Variants in ATRNL1 observed in about 807,000 individuals in gnomAD.
ATRNL1 encodes attractin-like protein 1.
A neutral mutation model predicts 182.7 loss-of-function variants in ATRNL1; 95 were observed. That is an observed-to-expected ratio of 0.52 (90% CI 0.44 to 0.62). ATRNL1 has a LOEUF of 0.62. ATRNL1 is among the 20% of genes least tolerant of loss of function. The pLI is 0.00. For missense variants in ATRNL1, 1,471 were observed against 1,679.5 expected (o/e 0.88, Z 2.17); for synonymous variants, 576 against 568.3 (o/e 1.01, Z -0.19).
At chr10:115,288,378 C>T (rs186635424) in intron 15 of ATRNL1, among the ~76,000 whole-genome samples, 44 of 152,242 alleles carry the variant, frequency 2.9e-4, no homozygotes, top group South Asian at 1.2e-3. Flanking sequence ...TCTCTGCATC[C>T]TCACCAGTAT....
intron 26 of ATRNL1, among the ~76,000 whole-genome samples, chr10:115,704,729 A>G (rs1252061862): frequency 6.6e-6 from 1 of 151,818 alleles, no homozygotes; most frequent in South Asian, 2.1e-4. Context: ...CTACCTGTCT[A>G]GCTTCATTCC....
intron 8 of ATRNL1, among the ~76,000 whole-genome samples, chr10:115,181,714 T>C (rs1312829187): frequency 6.6e-6 from 1 of 151,694 alleles, no homozygotes; most frequent in Admixed American, 6.6e-5. Flanking sequence ...GATGCCACAG[T>C]GAAAAAAACT....
intron 27 of ATRNL1, among the ~76,000 whole-genome samples, chr10:115,768,776 A>G (rs922380980): frequency 6.6e-6 from 1 of 152,124 alleles, no homozygotes; most frequent in Non-Finnish European, 1.5e-5. Context: ...TAATTTTAAA[A>G]TTAAAGGAAT....
intron 21 of ATRNL1, among the ~76,000 whole-genome samples, chr10:115,437,469 A>T (rs1412828009): frequency 1.3e-5 from 2 of 151,998 alleles, no homozygotes; most frequent in Non-Finnish European, 2.9e-5. Flanking sequence ...ATCTTCCTGG[A>T]GCTATCTGTA....
intron 8 of ATRNL1, among the ~76,000 whole-genome samples, chr10:115,211,244 CT>C (rs879993228): frequency 2.9e-3 from 397 of 138,676 alleles, no homozygotes; most frequent in Admixed American, 3.0e-3. Context: ...ATGACAAATT[CT>C]TTTTTTTTTT....
intron 26 of ATRNL1, among the ~76,000 whole-genome samples, chr10:115,632,588 A>T (rs1555026749): frequency 1.3e-5 from 2 of 152,156 alleles, no homozygotes; most frequent in African/African-American, 4.8e-5. Context: ...GATTATCTTG[A>T]CAAGCAACCT....
chr10:115,640,673 G>A (rs1455879651), intron 26 of ATRNL1, among the ~76,000 whole-genome samples: 4 of 152,082 alleles, frequency 2.6e-5, no homozygotes, highest in African/African-American at 9.7e-5. Flanking sequence ...CTGGATATTA[G>A]CTTTTTGTCA....
intron 18 of ATRNL1, among the ~76,000 whole-genome samples, chr10:115,321,112 C>A (rs1398504010): frequency 6.6e-6 from 1 of 151,508 alleles, no homozygotes; most frequent in East Asian, 1.9e-4. Context: ...GTTGTTGTTG[C>A]TTTCTGTTTG....
In ATRNL1 at chr10:115,449,614, C is replaced by T. The variant is rs535976412; in HGVS notation, c.3323-12327C>T. Among the ~76,000 whole-genome samples, 18 of 152,282 alleles carry T rather than the reference C, an allele frequency of 1.2e-4. 1 individual carries two copies. Among genetic ancestry groups the T allele is most frequent in the Admixed American group, 1.0e-3 (16 of 15,284 alleles). On this transcript the variant is annotated intron_variant, in intron 21 of 28. Transcript: ENST00000355044. ...TCAGGGGTTGTGGGTACCCCCCAGACACTGCCATGGGGCTGCACAGAGTTT... is the reference window on the plus strand; with the variant it reads ...TCAGGGGTTGTGGGTACCCCCCAGATACTGCCATGGGGCTGCACAGAGTTT...
intron 27 of ATRNL1, among the ~76,000 whole-genome samples, chr10:115,757,255 G>A (rs186573360): frequency 9.2e-5 from 14 of 152,188 alleles, no homozygotes; most frequent in East Asian, 3.9e-4. Context: ...TCCTAGTGTC[G>A]ATGTTCTTTA....
chr10:115,927,541 T>G (rs1589706227), intron 28 of ATRNL1, among the ~76,000 whole-genome samples: 1 of 152,052 alleles, frequency 6.6e-6, no homozygotes, highest in African/African-American at 2.4e-5. Flanking sequence ...CCAAACACCA[T>G]ATAAACATTA....
chr10:115,755,435 T>C (rs1263244358), intron 27 of ATRNL1, among the ~76,000 whole-genome samples: 4 of 152,166 alleles, frequency 2.6e-5, no homozygotes, highest in African/African-American at 9.7e-5. Context: ...AATCATGTGG[T>C]TTTTGTCATT....
At chr10:115,795,424 T>G (rs1402952422) in intron 27 of ATRNL1, among the ~76,000 whole-genome samples, 4 of 152,164 alleles carry the variant, frequency 2.6e-5, no homozygotes, top group Non-Finnish European at 5.9e-5. Flanking sequence ...AGCCTCCTTT[T>G]ATGTGACCAG....
chr10:115,593,493 A>G (rs994800692), intron 26 of ATRNL1, among the ~76,000 whole-genome samples: 35 of 152,186 alleles, frequency 2.3e-4, no homozygotes, highest in Admixed American at 3.9e-4. Flanking sequence ...ACAATGGGGG[A>G]AAGGACAGTC....
intron 24 of ATRNL1, among the ~76,000 whole-genome samples, chr10:115,484,536 C>T (rs1229592332): frequency 2.6e-5 from 4 of 151,520 alleles, no homozygotes; most frequent in Non-Finnish European, 4.4e-5. Context: ...TTAAATAAGT[C>T]ATACAATTTT....
chr10:115,165,590 G>T lies in ATRNL1; in HGVS notation c.1037G>T (p.Gly346Val). ...YNLESSIWNVGTPSRGPLQRY... is the reference protein window; with the variant it reads ...YNLESSIWNVVTPSRGPLQRY... Reference sequence around the variant, plus strand: ...TTAGAAAGCAGTATATGGAATGTAGGAACTCCATCAAGGGGACCTCTCCAG... The same window carrying T: ...TTAGAAAGCAGTATATGGAATGTAGTAACTCCATCAAGGGGACCTCTCCAG... The change falls in exon 7 of 29, where the codon GGA becomes GTA. Residue 346 changes from glycine (G) to valine (V), a missense_variant. This residue lies in a region of ATRNL1 where 1,031 missense variants were observed against 1,156.0 expected (regional missense o/e 0.89). Coordinates refer to ENST00000355044, the MANE Select transcript of ATRNL1 (RefSeq NM_207303.4). 6.5e-7 allele frequency: 1 copy of T among 1,538,558 alleles called. No homozygotes were observed.
intron 27 of ATRNL1, among the ~76,000 whole-genome samples, chr10:115,845,464 C>T (rs1350700784): frequency 6.6e-6 from 1 of 151,998 alleles, no homozygotes; most frequent in Non-Finnish European, 1.5e-5. Flanking sequence ...CCATATTCCA[C>T]CTGAAGTTTA....
At chr10:115,550,514 T>C (rs1382237912) in intron 26 of ATRNL1, among the ~76,000 whole-genome samples, 1 of 151,890 alleles carries the variant, frequency 6.6e-6, no homozygotes, top group Non-Finnish European at 1.5e-5. Context: ...CTATCTATAA[T>C]ATATTTGCAA....
chr10:115,641,643 T>C lies in ATRNL1; in HGVS notation c.3796-85605T>C, dbSNP rs146238484. On this transcript the variant is annotated intron_variant, in intron 26 of 28. Transcript: ENST00000355044. ...TAAATTCTATATTATTTCATTTAAC[T>C]ATTTACATAATTTTCTCATAAAACA... Among the ~76,000 whole-genome samples, 63 of 152,316 alleles carry C rather than the reference T, an allele frequency of 4.1e-4. 1 individual carries two copies. The East Asian group carries it at 0.012, about 29-fold the overall frequency.
Sources: gnomAD v4.1 joint callset for allele counts (sites outside exome capture counted in the v4.1 genomes callset) on GRCh38, gnomAD v4.1.1 for gene constraint, gnomAD v4.1.1 regional missense constraint, MANE v1.5 for transcripts, NCBI Gene and HGNC (gene_info 2026-07-23, HGNC 2026-07-21) for gene names.